CD2AP: variants seen among roughly 807,000 people sequenced by gnomAD.
CD2AP encodes CD2 associated protein.
A neutral mutation model predicts 85.1 loss-of-function variants in CD2AP; 46 were observed. The observed-to-expected ratio is 0.54, with a 90% CI of 0.43 to 0.69. The LOEUF (loss-of-function observed/expected upper bound fraction) is 0.69. Among genes scored for constraint, CD2AP ranks in the 30% least tolerant of loss-of-function variants. The pLI, the probability that CD2AP is intolerant of heterozygous loss-of-function variation, is 0.00. For missense variants in CD2AP, 769 were observed against 729.5 expected (o/e 1.05, Z -0.62); for synonymous variants, 255 against 252.9 (o/e 1.01, Z -0.08).
chr6:47,488,140 C>T (rs1765615040), intron 1 of CD2AP, among the ~76,000 whole-genome samples: 1 of 149,840 alleles, frequency 6.7e-6, no homozygotes, highest in African/African-American at 2.5e-5. Flanking sequence ...AGCATCTTGT[C>T]AGGTGAATCT....
intron 11 of CD2AP, chr6:47,582,343 A>G (rs142435486): frequency 7.8e-6 from 2 of 255,332 alleles, no homozygotes; most frequent in African/African-American, 4.5e-5. Flanking sequence ...CTATGCTTTT[A>G]TTATTTTTAT....
chr6:47,565,274 G>A (rs1306244797), intron 5 of CD2AP, among the ~76,000 whole-genome samples: 2 of 152,036 alleles, frequency 1.3e-5, no homozygotes, highest in Non-Finnish European at 1.5e-5. Context: ...TCAGTCTCAG[G>A]GAAAGCATTG....
intron 5 of CD2AP, among the ~76,000 whole-genome samples, chr6:47,571,588 G>A (rs1768154540): frequency 1.3e-5 from 2 of 152,154 alleles, no homozygotes; most frequent in African/African-American, 2.4e-5. Flanking sequence ...TGTAGAGAGC[G>A]CACCAGAACT....
intron 3 of CD2AP, among the ~76,000 whole-genome samples, chr6:47,542,618 A>T (rs866051819): frequency 6.6e-6 from 1 of 152,186 alleles, no homozygotes; most frequent in Admixed American, 6.5e-5. Context: ...CCCTCACCAG[A>T]TATAAAATCT....
intron 4 of CD2AP, among the ~76,000 whole-genome samples, chr6:47,550,828 T>C (rs1767499362): frequency 1.3e-5 from 2 of 151,952 alleles, no homozygotes; most frequent in African/African-American, 4.8e-5. Context: ...GGTATGTATA[T>C]ATGTGCTGGA....
chr6:47,480,819 C>T (rs1297192025), intron 1 of CD2AP, among the ~76,000 whole-genome samples: 2 of 152,136 alleles, frequency 1.3e-5, no homozygotes, highest in Non-Finnish European at 2.9e-5. Context: ...TGATTTTGCA[C>T]TAAGGCAGAA....
At chr6:47,562,675 A>G (rs1296967847) in intron 5 of CD2AP, 3 of 599,570 alleles carry the variant, frequency 5.0e-6, no homozygotes, top group African/African-American at 1.8e-5. Context: ...CCACTGCTTT[A>G]TGGGAGGTTC....
chr6:47,592,000 T>C (rs941869704), intron 11 of CD2AP, among the ~76,000 whole-genome samples: 6 of 151,928 alleles, frequency 3.9e-5, no homozygotes, highest in Non-Finnish European at 8.8e-5. Flanking sequence ...AATTTTTTAA[T>C]TTATTTTTTT....
chr6:47,497,864 T>G (rs896614350), intron 1 of CD2AP, among the ~76,000 whole-genome samples: 1 of 152,250 alleles, frequency 6.6e-6, no homozygotes, highest in African/African-American at 2.4e-5. Flanking sequence ...CCATGCTGCT[T>G]TTCTCTCAGA....
chr6:47,496,976 A>T (rs1008954011), intron 1 of CD2AP, among the ~76,000 whole-genome samples: 1 of 152,070 alleles, frequency 6.6e-6, no homozygotes, highest in Non-Finnish European at 1.5e-5. Context: ...TCTTTCCTTT[A>T]CGAACCTCCC....
chr6:47,589,043 A>G (rs557854112), intron 11 of CD2AP, among the ~76,000 whole-genome samples: 2 of 152,188 alleles, frequency 1.3e-5, no homozygotes, highest in East Asian at 1.9e-4. Context: ...AAGGAATGCA[A>G]TTTAGGTTCT....
chr6:47,579,770 G>T, intron 9 of CD2AP: 1 of 296,452 alleles, frequency 3.4e-6, no homozygotes, highest in East Asian at 7.4e-5. Context: ...ACATAAATTA[G>T]TACTTTCCTG....
intron 2 of CD2AP, among the ~76,000 whole-genome samples, chr6:47,525,655 T>C (rs1350060654): frequency 6.6e-6 from 1 of 152,296 alleles, no homozygotes; most frequent in East Asian, 1.9e-4. Flanking sequence ...GTTAATACAA[T>C]CAAAATTATG....
At chr6:47,596,660 C>T (rs1410876509) in intron 12 of CD2AP, among the ~76,000 whole-genome samples, 4 of 151,942 alleles carry the variant, frequency 2.6e-5, no homozygotes, top group Admixed American at 1.3e-4. Context: ...ATTCATTCAT[C>T]CATTGATACT....
intron 11 of CD2AP, among the ~76,000 whole-genome samples, chr6:47,591,972 A>G (rs147789316): frequency 6.6e-6 from 1 of 152,104 alleles, no homozygotes; most frequent in East Asian, 1.9e-4. Flanking sequence ...CTAAAGGTAC[A>G]TGTCACCATA....
chr6:47,624,394 T>TA lies in CD2AP; in HGVS notation c.*167_*168insA, dbSNP rs1769847910. On this transcript the variant is annotated 3_prime_UTR_variant, in exon 18 of 18. Coordinates refer to ENST00000359314, the MANE Select transcript of CD2AP (RefSeq NM_012120.3). ...GAGTGAGGGTGAATTTATATATATA[T>TA]TTTGTTTTGCCAATATGAAGAAAAA... 8 of 593,530 alleles carry TA rather than the reference T, an allele frequency of 1.3e-5. No homozygotes were observed. The highest frequency in any genetic ancestry group is 2.4e-5 in the Non-Finnish European group (8 of 335,072). The allele number at this position is 593,530 out of a possible 1,614,324, so 36.8% of individuals were successfully genotyped here. A position where few individuals can be genotyped will look rare whatever the true frequency, so the allele number is the denominator to read the frequency against.
intron 5 of CD2AP, among the ~76,000 whole-genome samples, chr6:47,566,352 A>G (rs1768002872): frequency 6.7e-6 from 1 of 148,410 alleles, no homozygotes. Flanking sequence ...ATATGTATGT[A>G]TGTATTTGTT....
chr6:47,567,283 A>G (rs994519668), intron 5 of CD2AP, among the ~76,000 whole-genome samples: 3 of 152,152 alleles, frequency 2.0e-5, no homozygotes, highest in Non-Finnish European at 4.4e-5. Context: ...AGCATTTCTC[A>G]TGAAGGCAGG....
At position 47,510,128 on chromosome 6, in the gene CD2AP, A is replaced by G. The variant is rs189967561; in HGVS notation, c.165+6688A>G. Among the ~76,000 whole-genome samples the G allele has an allele frequency of 4.1e-3, 632 of 152,342 alleles. 2 individuals carry two copies. The highest frequency in any genetic ancestry group is 0.014 in the African/African-American group (577 of 41,576). ...GAGAAAAGTTTAATCTGGGATTAAAAATTAACCACAGGTTACTAGATTATA... is the reference window on the plus strand; with the variant it reads ...GAGAAAAGTTTAATCTGGGATTAAAGATTAACCACAGGTTACTAGATTATA... On this transcript the variant is annotated intron_variant, in intron 2 of 17. Transcript: ENST00000359314.
Sources: gnomAD v4.1 joint callset for allele counts (sites outside exome capture counted in the v4.1 genomes callset) on GRCh38, gnomAD v4.1.1 for gene constraint, MANE v1.5 for transcripts, NCBI Gene and HGNC (gene_info 2026-07-23, HGNC 2026-07-21) for gene names.